Variants in CALD1 observed in about 807,000 individuals in gnomAD.
CALD1 encodes the protein caldesmon 1, also known as caldesmon.
In CALD1, 33 loss-of-function variants were observed where a neutral mutation model predicts 99.9. The observed-to-expected ratio is 0.33, with a 90% CI of 0.25 to 0.44. The LOEUF (loss-of-function observed/expected upper bound fraction) is 0.44. Ranked by LOEUF, CALD1 falls within the 20% of genes least tolerant of loss-of-function variation. The pLI is 1.00. For missense variants in CALD1, 861 were observed against 962.1 expected (o/e 0.89, Z 1.39); for synonymous variants, 310 against 325.0 (o/e 0.95, Z 0.50).
intron 3 of CALD1, among the ~76,000 whole-genome samples, chr7:134,892,752 G>A (rs1191699070): frequency 6.6e-6 from 1 of 152,138 alleles, no homozygotes; most frequent in East Asian, 1.9e-4. Flanking sequence ...AATCTTAAGG[G>A]GAACGCTATT....
intron 9 of CALD1, 99 bp downstream of exon 9, chr7:134,950,613 CTT>C: frequency 1.0e-6 from 1 of 979,068 alleles, no homozygotes; most frequent in Non-Finnish European, 1.6e-6. Flanking sequence ...GTTCATTTAT[CTT>C]TTTGCTATCC....
chr7:134,853,018 T>G (rs1250584955), intron 2 of CALD1, among the ~76,000 whole-genome samples: 8 of 152,202 alleles, frequency 5.3e-5, no homozygotes, highest in Non-Finnish European at 1.2e-4. Context: ...GTTAGAACCA[T>G]GCTTTTATTG....
At chr7:134,870,497 T>C (rs1019887761) in intron 3 of CALD1, among the ~76,000 whole-genome samples, 1 of 152,196 alleles carries the variant, frequency 6.6e-6, no homozygotes, top group Non-Finnish European at 1.5e-5. Context: ...TTTTGTTTTG[T>C]GTGGAAGAAT....
chr7:134,726,925 C>T, the CALD1 span, among the ~76,000 whole-genome samples: 1 of 152,206 alleles, frequency 6.6e-6, no homozygotes, highest in African/African-American at 2.4e-5. Flanking sequence ...TGGTGCTCCT[C>T]AGCCACTGTT....
At chr7:134,743,609 G>A (rs1796609489), upstream of CALD1, among the ~76,000 whole-genome samples, 1 of 152,210 alleles carries the variant, frequency 6.6e-6, no homozygotes, top group Admixed American at 6.5e-5. Flanking sequence ...ACTCAATTTA[G>A]CATTTTGTTA....
In CALD1 at chr7:134,933,619, C is replaced by T; in HGVS notation, c.850C>T (p.Gln284Ter). Residue 284 changes from glutamine (Q) to a stop codon, truncating the protein, a stop_gained, in exon 5 of 15, where the codon CAA becomes TAA. Coordinates refer to ENST00000361675, the MANE Select transcript of CALD1 (RefSeq NM_033138.4). LOFTEE classifies it high-confidence loss of function. ...AEERERIKAE[Q>*]DKKIADERAR... ...AGAAAGAGAAAGAATTAAAGCCGAG[C>T]AAGACAAAAAGATAGCAGATGAACG... The T allele has an allele frequency of 1.2e-6, 2 of 1,611,450 alleles. No homozygotes were observed. Among genetic ancestry groups the T allele is most frequent in the Non-Finnish European group, 1.7e-6 (2 of 1,179,004 alleles).
At chr7:134,739,748 A>G, upstream of CALD1, among the ~76,000 whole-genome samples, 1 of 152,086 alleles carries the variant, frequency 6.6e-6, no homozygotes, top group East Asian at 1.9e-4. Context: ...ACTTCATGTG[A>G]CTTCACGTGA....
At chr7:134,892,418 T>C (rs953682822) in intron 3 of CALD1, among the ~76,000 whole-genome samples, 3 of 152,246 alleles carry the variant, frequency 2.0e-5, no homozygotes, top group African/African-American at 4.8e-5. Context: ...AAAAACTTAC[T>C]GGGTCTTGGG....
chr7:134,743,054 G>T (rs1222981079), upstream of CALD1, among the ~76,000 whole-genome samples: 1 of 152,186 alleles, frequency 6.6e-6, no homozygotes, highest in Non-Finnish European at 1.5e-5. Context: ...CATAGGAAAA[G>T]ATTTTTGTTT....
chr7:134,836,144 A>C (rs1237687707), intron 1 of CALD1, among the ~76,000 whole-genome samples: 3 of 98,918 alleles, frequency 3.0e-5, no homozygotes, highest in Admixed American at 2.5e-4. Flanking sequence ...ACTTCATCTC[A>C]AAAAAAAAAA....
At chr7:134,880,060 C>A (rs1232650258) in intron 3 of CALD1, among the ~76,000 whole-genome samples, 1 of 152,206 alleles carries the variant, frequency 6.6e-6, no homozygotes, top group African/African-American at 2.4e-5. Context: ...ACATGGACTA[C>A]TATCCCATGT....
In CALD1 at chr7:134,953,700, C is replaced by CAA. The variant is rs1338736771; in HGVS notation, c.1935+3186_1935+3187insAA. On this transcript the variant is annotated intron_variant, in intron 9 of 14. Coordinates refer to ENST00000361675, the MANE Select transcript of CALD1 (RefSeq NM_033138.4). ...TTTTTTCAGGAGAAACTACAACCTACCCTACCCTCCTCTAATTATTTCTTC... is the reference window on the plus strand; with the variant it reads ...TTTTTTCAGGAGAAACTACAACCTACAACCTACCCTCCTCTAATTATTTCTTC... Among the ~76,000 whole-genome samples the CAA allele has an allele frequency of 2.1e-5, 3 of 141,476 alleles. No individual in the cohort carries two copies. In the East Asian group the frequency reaches 6.5e-4, roughly 31 times the overall value. The allele number at this position is 141,476 out of a possible 152,430, so 92.8% of individuals were successfully genotyped here. A position where few individuals can be genotyped will look rare whatever the true frequency, so the allele number is the denominator to read the frequency against.
chr7:134,875,666 T>A (rs1801314641), intron 3 of CALD1, among the ~76,000 whole-genome samples: 1 of 152,184 alleles, frequency 6.6e-6, no homozygotes, highest in African/African-American at 2.4e-5. Flanking sequence ...GAGCCCAGAT[T>A]TTCGTCACCG....
intron 1 of CALD1, among the ~76,000 whole-genome samples, chr7:134,790,129 A>C (rs750416307): frequency 6.7e-6 from 1 of 148,730 alleles, no homozygotes; most frequent in Non-Finnish European, 1.5e-5. Context: ...GAGAGGGAGG[A>C]AGGGAAAAGG....
intron 1 of CALD1, among the ~76,000 whole-genome samples, chr7:134,764,917 G>A (rs1209368219): frequency 1.3e-5 from 2 of 152,114 alleles, no homozygotes; most frequent in Non-Finnish European, 2.9e-5. Context: ...GCAAGCAGAG[G>A]GATGATTATT....
At chr7:134,793,177 G>A (rs1307815157) in intron 1 of CALD1, among the ~76,000 whole-genome samples, 3 of 152,196 alleles carry the variant, frequency 2.0e-5, no homozygotes, top group South Asian at 2.1e-4. Context: ...GCAGCTGGCC[G>A]GGCCAGGGAG....
chr7:134,952,747 G>T (rs775950092), intron 9 of CALD1, among the ~76,000 whole-genome samples: 1 of 152,046 alleles, frequency 6.6e-6, no homozygotes, highest in African/African-American at 2.4e-5. Flanking sequence ...GGGATTACAC[G>T]CATGAGCCAC....
At chr7:134,937,410 T>C (rs1377390068) in intron 6 of CALD1, among the ~76,000 whole-genome samples, 1 of 152,184 alleles carries the variant, frequency 6.6e-6, no homozygotes, top group African/African-American at 2.4e-5. Context: ...TGGCTTGTTT[T>C]TGACACAAGG....
At chr7:134,821,435 T>C (rs1432655597) in intron 1 of CALD1, among the ~76,000 whole-genome samples, 1 of 152,174 alleles carries the variant, frequency 6.6e-6, no homozygotes, top group Non-Finnish European at 1.5e-5. Context: ...AAACTATTTC[T>C]ACCTATCCAT....
Sources: gnomAD v4.1 joint callset for allele counts (sites outside exome capture counted in the v4.1 genomes callset) on GRCh38, gnomAD v4.1.1 for gene constraint, MANE v1.5 for transcripts, NCBI Gene and HGNC (gene_info 2026-07-23, HGNC 2026-07-21) for gene names.